Variants in PLXNA4 observed in about 807,000 individuals in gnomAD.
PLXNA4 encodes plexin A4.
In PLXNA4, 44 loss-of-function variants were observed where a neutral mutation model predicts 191.8. That is an observed-to-expected ratio of 0.23 (90% CI 0.18 to 0.29). The LOEUF is 0.29. PLXNA4 is among the 10% of genes least tolerant of loss of function. PLXNA4 has a pLI of 1.00. For synonymous variants in PLXNA4, 1,082 were observed against 1,009.5 expected (o/e 1.07, Z -1.36); for missense variants, 1,800 against 2,488.8 (o/e 0.72, Z 5.89).
At chr7:132,198,740 G>T in intron 12 of PLXNA4, 104 bp from the exon 13 acceptor site, 1 of 1,514,152 alleles carries the variant, frequency 6.6e-7, no homozygotes. Flanking sequence ...CTGCCCCAGA[G>T]TCCCTGAGTG....
intron 3 of PLXNA4, among the ~76,000 whole-genome samples, chr7:132,475,852 A>T (rs1424950341): frequency 2.6e-5 from 4 of 152,236 alleles, no homozygotes; most frequent in African/African-American, 4.8e-5. Context: ...GGCAATGGTC[A>T]GGGCATTTGA....
At chr7:132,583,740 G>A (rs1270953786) in intron 2 of PLXNA4, among the ~76,000 whole-genome samples, 2 of 152,144 alleles carry the variant, frequency 1.3e-5, no homozygotes, top group Non-Finnish European at 1.5e-5. Context: ...TTCCTGGCCA[G>A]GCCCTATATT....
chr7:132,439,479 C>G (rs1378123091), intron 3 of PLXNA4, among the ~76,000 whole-genome samples: 1 of 113,864 alleles, frequency 8.8e-6, no homozygotes, highest in Non-Finnish European at 2.1e-5. Flanking sequence ...CATGCATATA[C>G]ACACATATGC....
chr7:132,417,287 C>T (rs1219445894), intron 3 of PLXNA4, among the ~76,000 whole-genome samples: 1 of 152,162 alleles, frequency 6.6e-6, no homozygotes, highest in Non-Finnish European at 1.5e-5. Context: ...GCATCTCCTA[C>T]CCGCCACATT....
intron 20 of PLXNA4, among the ~76,000 whole-genome samples, chr7:132,177,055 G>A (rs111298400): frequency 9.3e-4 from 142 of 152,224 alleles, no homozygotes; most frequent in African/African-American, 2.8e-3. Flanking sequence ...GTGTGTGTAC[G>A]AATGTGAGTA....
chr7:132,178,471 T>C (rs866949180), intron 20 of PLXNA4, among the ~76,000 whole-genome samples: 30 of 152,220 alleles, frequency 2.0e-4, no homozygotes, highest in Middle Eastern at 3.4e-3. Context: ...TTCAAAGCTG[T>C]GTGCCTGCCA....
chr7:132,573,129 G>A (rs1218776265), intron 1 of PLXNA4, among the ~76,000 whole-genome samples: 1 of 152,072 alleles, frequency 6.6e-6, no homozygotes, highest in Non-Finnish European at 1.5e-5. Flanking sequence ...GGTGTCAAGG[G>A]AGGGAAATGA....
At chr7:132,448,953 A>G (rs1796011503) in intron 3 of PLXNA4, among the ~76,000 whole-genome samples, 1 of 152,254 alleles carries the variant, frequency 6.6e-6, no homozygotes, top group Non-Finnish European at 1.5e-5. Context: ...CCATGGTTGT[A>G]CCTGGTAAGA....
At chr7:132,585,861 A>G (rs1802496695) in intron 2 of PLXNA4, among the ~76,000 whole-genome samples, 1 of 152,186 alleles carries the variant, frequency 6.6e-6, no homozygotes, top group Admixed American at 6.5e-5. Context: ...ATTACCTCCC[A>G]AAGGCCCCAA....
chr7:132,445,385 G>A (rs745684931), intron 3 of PLXNA4, among the ~76,000 whole-genome samples: 2 of 151,380 alleles, frequency 1.3e-5, no homozygotes, highest in Non-Finnish European at 2.9e-5. Flanking sequence ...TGCCACAGCC[G>A]AGTGAGCGCC....
chr7:132,573,064 G>T (rs1234578976), intron 1 of PLXNA4, among the ~76,000 whole-genome samples: 1 of 151,426 alleles, frequency 6.6e-6, no homozygotes, highest in Non-Finnish European at 1.5e-5. Flanking sequence ...AAGCCAAGAG[G>T]TAGATTAGCA....
intron 3 of PLXNA4, among the ~76,000 whole-genome samples, chr7:132,448,947 G>T (rs1415595780): frequency 6.6e-6 from 1 of 152,132 alleles, no homozygotes; most frequent in Non-Finnish European, 1.5e-5. Context: ...ATATAACCAT[G>T]GTTGTACCTG....
At chr7:132,370,120 C>A (rs1804373063) in intron 3 of PLXNA4, among the ~76,000 whole-genome samples, 1 of 151,800 alleles carries the variant, frequency 6.6e-6, no homozygotes, top group Non-Finnish European at 1.5e-5. Context: ...CAGGTTTGAG[C>A]TCCCTTGCAA....
Position 132,384,696 on chromosome 7 carries a change from A to G in PLXNA4, c.1372-86474T>C. ...ATGATGCTGCAGTACGGTGGGCTCC[A>G]TCCTCTCTGCCCTGTGTATGCACAC... On this transcript the variant is annotated intron_variant, in intron 3 of 31. Coordinates refer to ENST00000321063, the MANE Select transcript of PLXNA4 (RefSeq NM_020911.2). 4.0e-6 allele frequency: 4 copies of G among 1,008,910 alleles called. No homozygotes were observed. In the South Asian group the frequency reaches 1.2e-4, roughly 31 times the overall value. The allele number at this position is 1,008,910 out of a possible 1,614,324, so 62.5% of individuals were successfully genotyped here.
At chr7:132,204,472 G>A (rs1014655579) in intron 10 of PLXNA4, among the ~76,000 whole-genome samples, 1 of 152,244 alleles carries the variant, frequency 6.6e-6, no homozygotes, top group African/African-American at 2.4e-5. Context: ...TGCATGGGAG[G>A]GGCTGAGGCC....
upstream of PLXNA4, among the ~76,000 whole-genome samples, chr7:132,577,805 A>C (rs1434569377): frequency 6.6e-6 from 1 of 152,148 alleles, no homozygotes; most frequent in African/African-American, 2.4e-5. Flanking sequence ...ACACAAGCGC[A>C]CACTGACTCT....
At chr7:132,179,966 C>A in intron 19 of PLXNA4, 45 bp from the exon 20 acceptor site, 1 of 1,550,506 alleles carries the variant, frequency 6.4e-7, no homozygotes, top group South Asian at 1.2e-5. Context: ...GGGGACGCAG[C>A]AGCTTTGGCA....
chr7:132,299,092 T>C (rs1232611611), intron 3 of PLXNA4, among the ~76,000 whole-genome samples: 2 of 152,152 alleles, frequency 1.3e-5, no homozygotes, highest in Non-Finnish European at 2.9e-5. Context: ...TGTGTTTGAG[T>C]GCATAGATCC....
intron 3 of PLXNA4, among the ~76,000 whole-genome samples, chr7:132,432,938 G>A (rs544854736): frequency 6.6e-6 from 1 of 152,206 alleles, no homozygotes; most frequent in South Asian, 2.1e-4. Flanking sequence ...CATTGTTGGA[G>A]CTATCATGTC....
Sources: allele counts gnomAD v4.1 joint callset (sites outside exome capture counted in the v4.1 genomes callset), GRCh38; gene constraint gnomAD v4.1.1; transcripts MANE v1.5; gene names NCBI Gene and HGNC (gene_info 2026-07-23, HGNC 2026-07-21).